The following CSMD2 variants were observed in gnomAD, a reference collection of about 807,000 sequenced individuals.
CSMD2 encodes the protein CUB and Sushi multiple domains 2.
Under a neutral mutation model 398.5 loss-of-function variants are expected in CSMD2, and 130 were observed. That is an observed-to-expected ratio of 0.33 (90% CI 0.28 to 0.38). The LOEUF (loss-of-function observed/expected upper bound fraction) is 0.38. Ranked by LOEUF, CSMD2 falls within the 10% of genes least tolerant of loss-of-function variation. The pLI is 1.00. For synonymous variants in CSMD2, 1,828 were observed against 1,908.5 expected (o/e 0.96, Z 1.10); for missense variants, 3,829 against 4,764.9 (o/e 0.80, Z 5.78).
intron 3 of CSMD2, among the ~76,000 whole-genome samples, chr1:33,980,857 G>C (rs922381255): frequency 2.6e-5 from 4 of 152,160 alleles, no homozygotes; most frequent in African/African-American, 9.7e-5. Flanking sequence ...AGTGGTATTG[G>C]AACTCAGATC....
At chr1:33,554,776 T>C (rs970553584) in intron 55 of CSMD2, among the ~76,000 whole-genome samples, 38 of 152,292 alleles carry the variant, frequency 2.5e-4, no homozygotes, top group African/African-American at 9.1e-4. Flanking sequence ...TGTTGAGACC[T>C]ACTGCTCAGA....
At chr1:33,985,213 A>T (rs571880454) in intron 3 of CSMD2, among the ~76,000 whole-genome samples, 3 of 152,326 alleles carry the variant, frequency 2.0e-5, no homozygotes, top group Admixed American at 1.3e-4. Context: ...ATGGAGACTC[A>T]AAACTCAGGA....
At chr1:34,116,467 A>G (rs1033230626) in intron 1 of CSMD2, among the ~76,000 whole-genome samples, 2 of 152,072 alleles carry the variant, frequency 1.3e-5, no homozygotes, top group African/African-American at 4.8e-5. Context: ...ACATATATGT[A>G]CCTAACAGAA....
At chr1:33,573,626 A>G (rs1029241264) in intron 49 of CSMD2, among the ~76,000 whole-genome samples, 1 of 152,230 alleles carries the variant, frequency 6.6e-6, no homozygotes, top group African/African-American at 2.4e-5. Context: ...ATATAGAAAA[A>G]AAAGAGACCG....
At position 34,164,356 on chromosome 1, in the gene CSMD2, G is replaced by A. The variant is rs935110248; in HGVS notation, c.187+555C>T. Among the ~76,000 whole-genome samples the A allele has an allele frequency of 2.6e-4, 40 of 152,110 alleles. No individual in the cohort carries two copies. Among genetic ancestry groups the A allele is most frequent in the African/African-American group, 8.9e-4 (37 of 41,452 alleles). On this transcript the variant is annotated intron_variant, in intron 1 of 70. Coordinates refer to ENST00000373381, the MANE Select transcript of CSMD2 (RefSeq NM_001281956.2). The surrounding 1 kb of genome is among the most constrained non-coding windows in gnomAD (Gnocchi z 6.2). ...CGAGGGAGGGGTAGCATTTGAGGAG[G>A]GGGATGGCGGCCGCAGTCTGCAGTC...
intron 2 of CSMD2, among the ~76,000 whole-genome samples, chr1:34,081,563 C>A (rs565804393): frequency 6.6e-6 from 1 of 152,140 alleles, no homozygotes; most frequent in African/African-American, 2.4e-5. Context: ...GGATCGCAGG[C>A]GCGCGCCGCC....
rs72879545 is a variant in CSMD2, at chr1:33,775,672, T to C, written c.1664-2921A>G. Reference sequence around the variant, plus strand: ...TAGGGGATGCTGAGTTTTAAGGTACTAGTGGGACCTCCAAGTGGAAATATC... The same window carrying C: ...TAGGGGATGCTGAGTTTTAAGGTACCAGTGGGACCTCCAAGTGGAAATATC... On this transcript the variant is annotated intron_variant, in intron 12 of 70. Coordinates refer to ENST00000373381, the MANE Select transcript of CSMD2 (RefSeq NM_001281956.2). Among the ~76,000 whole-genome samples the C allele has an allele frequency of 3.3e-3, 503 of 152,354 alleles. 1 individual carries two copies. The highest frequency in any genetic ancestry group is 0.011 in the African/African-American group (452 of 41,592).
chr1:33,935,827 G>A lies in CSMD2; in HGVS notation c.645C>T (p.Ala215=), dbSNP rs774840689. ...CAGAGCCAGCGTGGCAGGTGAGCACGGCGTGGCCCTCCAGGAAGAAGCCAA... is the reference window on the plus strand; with the variant it reads ...CAGAGCCAGCGTGGCAGGTGAGCACAGCGTGGCCCTCCAGGAAGAAGCCAA... ...CNLGFFLEGH[A]VLTCHAGSEN... is the part of the protein sequence containing the mutation. The change falls in exon 4 of 71, where the codon GCC becomes GCT. Residue 215 remains alanine, a synonymous_variant. Transcript: ENST00000373381. 1.3e-5 allele frequency: 21 copies of A among 1,614,046 alleles called. No individual in the cohort carries two copies. The highest frequency in any genetic ancestry group is 1.0e-4 in the Admixed American group (6 of 59,996).
chr1:33,936,829 C>A (rs374497173), intron 3 of CSMD2, among the ~76,000 whole-genome samples: 1 of 152,168 alleles, frequency 6.6e-6, no homozygotes. Context: ...TTCTAGGATA[C>A]CCCCATGGGG....
chr1:34,037,703 A>T (rs1651323350), intron 2 of CSMD2, among the ~76,000 whole-genome samples: 1 of 152,184 alleles, frequency 6.6e-6, no homozygotes, highest in Non-Finnish European at 1.5e-5. Context: ...ATAGAGCCTC[A>T]TGGAGGAAGC....
chr1:33,552,163 C>T (rs142307789), intron 55 of CSMD2, among the ~76,000 whole-genome samples: 43 of 152,124 alleles, frequency 2.8e-4, no homozygotes, highest in African/African-American at 8.0e-4. Context: ...ATGCTTAACA[C>T]GATTCGTCAT....
chr1:33,741,776 G>A (rs1395297755), intron 14 of CSMD2, among the ~76,000 whole-genome samples: 1 of 152,090 alleles, frequency 6.6e-6, no homozygotes, highest in Non-Finnish European at 1.5e-5. Context: ...TCAGCCCCTG[G>A]GCCATCAGCT....
At chr1:34,131,317 T>G (rs547619285) in intron 1 of CSMD2, among the ~76,000 whole-genome samples, 91 of 152,182 alleles carry the variant, frequency 6.0e-4, no homozygotes, top group Non-Finnish European at 8.1e-4. Context: ...AAAGTCAAAG[T>G]TCTGTCTGCT....
intron 14 of CSMD2, among the ~76,000 whole-genome samples, chr1:33,740,515 A>G (rs1647023830): frequency 6.6e-6 from 1 of 152,174 alleles, no homozygotes; most frequent in Non-Finnish European, 1.5e-5. Flanking sequence ...AGGCCTGCAA[A>G]CCTGACCCTT....
intron 3 of CSMD2, among the ~76,000 whole-genome samples, chr1:33,977,622 C>A (rs730385): frequency 0.061 from 9,343 of 151,922 alleles, 783 homozygotes; most frequent in East Asian, 0.37. Context: ...ACCTCCCCAT[C>A]CTTTACTGCA....
chr1:33,535,751 G>T (rs765799055), intron 62 of CSMD2, among the ~76,000 whole-genome samples: 4 of 152,142 alleles, frequency 2.6e-5, no homozygotes, highest in Non-Finnish European at 5.9e-5. Context: ...AGGCCCCCAG[G>T]CTGCTAAGCA....
chr1:33,728,852 A>G (rs1646629421), intron 15 of CSMD2, among the ~76,000 whole-genome samples: 1 of 152,232 alleles, frequency 6.6e-6, no homozygotes, highest in Non-Finnish European at 1.5e-5. Context: ...AAACTAAATA[A>G]TTACATAGAG....
chr1:34,066,195 G>A lies in CSMD2; in HGVS notation c.404+22782C>T, dbSNP rs533913666. Among the ~76,000 whole-genome samples the A allele has an allele frequency of 3.9e-5, 6 of 152,260 alleles. No homozygotes were observed. In the East Asian group the frequency reaches 1.2e-3, roughly 29 times the overall value. ...GGGTGCAAGGATGTGTTATATGTAC[G>A]AGTGTTTTTTATGCAGACACATACA... On this transcript the variant is annotated intron_variant, in intron 2 of 70. Transcript: ENST00000373381.
chr1:33,825,548 T>G, intron 7 of CSMD2, 149 bp downstream of exon 7: 2 of 700,600 alleles, frequency 2.9e-6, no homozygotes, highest in Non-Finnish European at 2.4e-6. Context: ...GGCCGTTGGG[T>G]CAGTGTGTCC....
Sources: gnomAD v4.1 joint callset for allele counts (sites outside exome capture counted in the v4.1 genomes callset) on GRCh38, gnomAD v4.1.1 for gene constraint, Gnocchi (gnomAD v3.1) non-coding constraint, MANE v1.5 for transcripts, NCBI Gene and HGNC (gene_info 2026-07-23, HGNC 2026-07-21) for gene names.